The following NIBAN2 variants were observed in gnomAD, a reference collection of about 807,000 sequenced individuals.
NIBAN2 encodes the protein protein Niban 2.
In NIBAN2, 36 loss-of-function variants were observed where a neutral mutation model predicts 81.8. The ratio of observed to expected loss-of-function variants is 0.44; its 90% confidence interval spans 0.34 to 0.58. The LOEUF is 0.58. Ranked by LOEUF, NIBAN2 falls within the 20% of genes least tolerant of loss-of-function variation. The probability of loss-of-function intolerance (pLI) is 0.02; values close to 1 mark genes in which losing one functional copy is unlikely to be tolerated. For missense variants in NIBAN2, 897 were observed against 1,014.1 expected, an observed-to-expected ratio of 0.88 and a Z score of 1.57; for synonymous variants, 445 against 441.6, an observed-to-expected ratio of 1.01 and a Z score of -0.10.
In NIBAN2 at chr9:127,505,405, A is replaced by G. The variant is rs935963197; in HGVS notation, c.*1440T>C. The stretch of plus-strand genomic sequence containing the variant: ...CAGTGTGCATAATATTTTCAATACA[A>G]TATCAGGGAGGGATGATGGGAACCC... On this transcript the variant is annotated 3_prime_UTR_variant, in exon 14 of 14. Transcript: ENST00000373312. The G allele has an allele frequency of 2.0e-5, 3 of 152,654 alleles. No homozygotes were observed. The highest frequency in any genetic ancestry group is 4.8e-5 in the African/African-American group (2 of 41,454). The allele number at this position is 152,654 out of a possible 1,614,324, so 9.5% of individuals were successfully genotyped here.
intron 2 of NIBAN2, among the ~76,000 whole-genome samples, chr9:127,529,200 T>C (rs920280810): frequency 2.0e-5 from 3 of 152,148 alleles, no homozygotes; most frequent in Admixed American, 6.5e-5. Flanking sequence ...CTGGAACTCC[T>C]GTGTCGGCAC....
In NIBAN2 at chr9:127,507,991, G is replaced by A; in HGVS notation, c.1543-13C>T. 2 of 1,613,888 alleles carry A rather than the reference G, an allele frequency of 1.2e-6. No homozygotes were observed. Among genetic ancestry groups the A allele is most frequent in the South Asian group, 1.1e-5 (1 of 91,080 alleles). ...ACCGGGGCAGCTCCTGCCCGGGTGG[G>A]GCGGCAGAGATGAGAGGTCAGGGCC... is the stretch of plus-strand genomic sequence containing the variant. On this transcript the variant is annotated splice_polypyrimidine_tract_variant and intron_variant, in intron 12 of 13. Transcript: ENST00000373312. The surrounding 1 kb of genome is among the most constrained non-coding windows in gnomAD (Gnocchi z 6.8).
intron 1 of NIBAN2, among the ~76,000 whole-genome samples, chr9:127,535,277 C>T (rs1381437748): frequency 6.6e-6 from 1 of 152,226 alleles, no homozygotes; most frequent in Non-Finnish European, 1.5e-5. Flanking sequence ...TCTGCCTGAC[C>T]GCAGCCCGTG....
chr9:127,536,657 G>A lies in NIBAN2; in HGVS notation c.56-4879C>T, dbSNP rs1377791879. Among the ~76,000 whole-genome samples, 1 of 152,214 alleles carries A rather than the reference G, an allele frequency of 6.6e-6. No homozygotes were observed. The highest frequency in any genetic ancestry group is 2.4e-5 in the African/African-American group (1 of 41,456). On this transcript the variant is annotated intron_variant, in intron 1 of 13. Coordinates refer to ENST00000373312, the MANE Select transcript of NIBAN2 (RefSeq NM_022833.4). The surrounding 1 kb of genome is among the most constrained non-coding windows in gnomAD (Gnocchi z 4.0). The stretch of plus-strand genomic sequence containing the variant: ...ACGCCACGGATTTGGGGCAGATGTT[G>A]GACAGGGCCTCCAACACTCAGGCTT...
Position 127,556,749 on chromosome 9 carries a change from C to T in NIBAN2, c.55+12071G>A, listed in dbSNP as rs567755484. Among the ~76,000 whole-genome samples the T allele has an allele frequency of 3.9e-5, 6 of 152,162 alleles. No individual in the cohort carries two copies. The South Asian group carries it at 6.2e-4, about 16-fold the overall frequency. The stretch of plus-strand genomic sequence containing the variant: ...CAGGGGAGCCCATGGTGAGTTAGCC[C>T]GCAGGTACTCATATCACAGATGGGA... On this transcript the variant is annotated intron_variant, in intron 1 of 13. Transcript: ENST00000373312.
intron 9 of NIBAN2, 118 bp from the exon 10 acceptor site, chr9:127,509,249 G>A (rs995146101): frequency 4.1e-6 from 4 of 980,528 alleles, no homozygotes; most frequent in Admixed American, 5.6e-5. Flanking sequence ...CTGCTACCAG[G>A]GATGGCCACC....
chr9:127,551,366 C>T (rs1588180499), intron 1 of NIBAN2, among the ~76,000 whole-genome samples: 1 of 151,716 alleles, frequency 6.6e-6, no homozygotes, highest in African/African-American at 2.4e-5. Flanking sequence ...CTACTAAAAA[C>T]ACAAAAATTA....
chr9:127,525,307 G>T (rs1564302671), intron 3 of NIBAN2, 144 bp from the exon 4 acceptor site: 4 of 619,778 alleles, frequency 6.5e-6, no homozygotes, highest in Non-Finnish European at 1.2e-5. Context: ...ACAGAGGGGA[G>T]AATGTCACTA....
intron 1 of NIBAN2, among the ~76,000 whole-genome samples, chr9:127,544,136 G>A (rs974006859): frequency 3.3e-5 from 5 of 152,204 alleles, no homozygotes; most frequent in African/African-American, 1.2e-4. Flanking sequence ...TCTCTGCTGG[G>A]ACATTCCTTG....
chr9:127,516,812 C>T, intron 8 of NIBAN2, 45 bp downstream of exon 8: 1 of 1,568,480 alleles, frequency 6.4e-7, no homozygotes, highest in East Asian at 2.3e-5. Context: ...AGAAAGTCCA[C>T]CTTGGCCCCT....
At chr9:127,558,153 T>C (rs1240096727) in intron 1 of NIBAN2, among the ~76,000 whole-genome samples, 5 of 152,124 alleles carry the variant, frequency 3.3e-5, no homozygotes, top group South Asian at 4.1e-4. Context: ...TGTCTGCGCA[T>C]AGACGGGCCT....
intron 1 of NIBAN2, among the ~76,000 whole-genome samples, chr9:127,542,278 C>T (rs80011884): frequency 4.6e-5 from 7 of 152,202 alleles, no homozygotes; most frequent in African/African-American, 1.4e-4. Flanking sequence ...CACCACCATG[C>T]GTCTTTCAAC....
Position 127,508,266 on chromosome 9 carries a change from G to T in NIBAN2, c.1435-66C>A. ...GCTCCATTGGCCCTGAGGGTAGGAC[G>T]AGGCCAGTGGTCTGACCCAAGCCTC... is the stretch of plus-strand genomic sequence containing the variant. On this transcript the variant is annotated intron_variant, in intron 11 of 13. Transcript: ENST00000373312. This position sits in a 1 kb window ranked among gnomAD's most constrained non-coding sequence, Gnocchi z 6.4. 1 of 1,422,970 alleles carries T rather than the reference G, an allele frequency of 7.0e-7. No homozygotes were observed. The highest frequency in any genetic ancestry group is 9.8e-7 in the Non-Finnish European group (1 of 1,015,904). 88.1% of individuals were successfully genotyped at this position (1,422,970 alleles called of 1,614,324 possible). A position where few individuals can be genotyped will look rare whatever the true frequency, so the allele number is the denominator to read the frequency against.
At chr9:127,570,895 C>T (rs1382344324), upstream of NIBAN2, among the ~76,000 whole-genome samples, 1 of 152,234 alleles carries the variant, frequency 6.6e-6, no homozygotes, top group Non-Finnish European at 1.5e-5. Flanking sequence ...AAGTGACTTG[C>T]TAAGGGCACA....
At chr9:127,568,714 A>T in intron 1 of NIBAN2, 106 bp downstream of exon 1, 1 of 1,009,678 alleles carries the variant, frequency 9.9e-7, no homozygotes. Context: ...GCCCGGCCTG[A>T]CTCCCCCGAG....
chr9:127,537,458 C>T (rs951323073), intron 1 of NIBAN2, among the ~76,000 whole-genome samples: 3 of 152,084 alleles, frequency 2.0e-5, no homozygotes, highest in Middle Eastern at 3.2e-3. Flanking sequence ...TCTGAAGAAC[C>T]GGGACAAGAA....
intron 1 of NIBAN2, among the ~76,000 whole-genome samples, chr9:127,544,344 G>A (rs1272365300): frequency 6.6e-6 from 1 of 152,060 alleles, no homozygotes; most frequent in Admixed American, 6.6e-5. Flanking sequence ...CTGTAAAATG[G>A]GTATAATGTC....
intron 1 of NIBAN2, among the ~76,000 whole-genome samples, chr9:127,577,295 G>A (rs569570922): frequency 3.9e-5 from 6 of 152,042 alleles, no homozygotes; most frequent in Non-Finnish European, 8.8e-5. Flanking sequence ...GTGACAGAGC[G>A]AGACTGTGTC....
rs562662772 is a variant in NIBAN2 at position 127,578,740 on chromosome 9, A to G, written c.16+182T>C. ...GTGGGTGCTGTAGTGCCTTAAGCCTATGACGCTTTGGGAGGTCAAGAAGTG... is the reference window on the plus strand; with the variant it reads ...GTGGGTGCTGTAGTGCCTTAAGCCTGTGACGCTTTGGGAGGTCAAGAAGTG... On this transcript the variant is annotated intron_variant, in intron 1 of 13. Transcript: ENST00000373314. Among the ~76,000 whole-genome samples the G allele has an allele frequency of 2.1e-4, 32 of 152,208 alleles. No individual in the cohort carries two copies. In the East Asian group the frequency reaches 2.7e-3, roughly 13 times the overall value.
Sources: gnomAD v4.1 joint callset for allele counts (sites outside exome capture counted in the v4.1 genomes callset) on GRCh38, gnomAD v4.1.1 for gene constraint, Gnocchi (gnomAD v3.1) non-coding constraint, MANE v1.5 for transcripts, NCBI Gene and HGNC (gene_info 2026-07-23, HGNC 2026-07-21) for gene names.